The following DLC1 variants were observed in gnomAD, a reference collection of about 807,000 sequenced individuals.
DLC1 encodes the protein rho GTPase-activating protein 7.
In DLC1, 54 loss-of-function variants were observed where a neutral mutation model predicts 140.3. That is an observed-to-expected ratio of 0.38 (90% confidence interval 0.31 to 0.48). DLC1 has a LOEUF of 0.48. Among genes scored for constraint, DLC1 ranks in the 20% least tolerant of loss-of-function variants. The probability of loss-of-function intolerance (pLI) is 0.96; values close to 1 mark genes in which losing one functional copy is unlikely to be tolerated. For synonymous variants in DLC1, 986 were observed against 728.1 expected (o/e 1.35, Z -5.70); for missense variants, 2,536 against 1,907.0 (o/e 1.33, Z -6.14).
chr8:13,199,209 A>C (rs1244794595), intron 5 of DLC1, among the ~76,000 whole-genome samples: 1 of 117,954 alleles, frequency 8.5e-6, no homozygotes, highest in Non-Finnish European at 1.7e-5. Context: ...TTTTGAGACA[A>C]GATCTTGCTG....
At chr8:13,323,306 C>T (rs1170520457) in intron 4 of DLC1, among the ~76,000 whole-genome samples, 2 of 152,162 alleles carry the variant, frequency 1.3e-5, no homozygotes, top group African/African-American at 4.8e-5. Flanking sequence ...AACTATGACT[C>T]AACTAAAAGT....
At chr8:13,563,611 A>G (rs570574859) in intron 1 of DLC1, among the ~76,000 whole-genome samples, 9 of 152,282 alleles carry the variant, frequency 5.9e-5, no homozygotes, top group Admixed American at 5.9e-4. Context: ...AAAGGGTAGA[A>G]TATTTTTGAA....
intron 5 of DLC1, among the ~76,000 whole-genome samples, chr8:13,289,197 T>TTTA (rs930093614): frequency 2.3e-4 from 35 of 151,922 alleles, no homozygotes; most frequent in Admixed American, 1.2e-3. Context: ...TAGAATTCCT[T>TTTA]TTATTATTAT....
chr8:13,446,377 C>T (rs925290532), intron 2 of DLC1, among the ~76,000 whole-genome samples: 7 of 152,142 alleles, frequency 4.6e-5, no homozygotes, highest in Non-Finnish European at 1.0e-4. Context: ...TAAATGTAAA[C>T]AACACTCATT....
intron 5 of DLC1, among the ~76,000 whole-genome samples, chr8:13,188,844 T>TATA (rs1491498157): frequency 7.7e-5 from 2 of 25,840 alleles, no homozygotes; most frequent in Non-Finnish European, 1.6e-4. Flanking sequence ...TATATATATA[T>TATA]TTTTTTTTTT....
intron 2 of DLC1, among the ~76,000 whole-genome samples, chr8:13,407,437 G>A (rs185126844): frequency 1.8e-3 from 272 of 152,232 alleles, no homozygotes; most frequent in African/African-American, 6.0e-3. Flanking sequence ...AAGGCAGTTG[G>A]GGAGGAGGTG....
chr8:13,134,852 G>A (rs1585734291), intron 5 of DLC1, among the ~76,000 whole-genome samples: 1 of 152,254 alleles, frequency 6.6e-6, no homozygotes, highest in African/African-American at 2.4e-5. Context: ...TTTACCCAAA[G>A]CAGAATTCAG....
At chr8:13,323,119 A>G (rs1833192008) in intron 4 of DLC1, among the ~76,000 whole-genome samples, 1 of 152,200 alleles carries the variant, frequency 6.6e-6, no homozygotes, top group Non-Finnish European at 1.5e-5. Context: ...AGATCCACTC[A>G]ACTAAGCTCT....
In DLC1 at chr8:13,120,355, A is replaced by AT. The variant is rs56863550; in HGVS notation, c.1349-4699_1349-4698insA. Among the ~76,000 whole-genome samples, 947 of 125,600 alleles carry AT rather than the reference A, an allele frequency of 7.5e-3. 25 individuals are homozygous for AT. The highest frequency in any genetic ancestry group is 0.031 in the African/African-American group (893 of 28,640). The allele number at this position is 125,600 out of a possible 152,430, so 82.4% of individuals were successfully genotyped here. On this transcript the variant is annotated intron_variant, in intron 5 of 17. Coordinates refer to ENST00000276297, the MANE Select transcript of DLC1 (RefSeq NM_182643.3). ...GAGACTCCGTCGCAAAAAAAAAAAA[A>AT]AATATATATATATATAAAATGTATA...
chr8:13,319,082 C>T (rs561341621), intron 4 of DLC1, among the ~76,000 whole-genome samples: 9 of 152,268 alleles, frequency 5.9e-5, no homozygotes, highest in Admixed American at 3.9e-4. Flanking sequence ...GTGATGCTAA[C>T]GGGTCTATTT....
At chr8:13,377,477 C>G (rs1019266160) in intron 4 of DLC1, among the ~76,000 whole-genome samples, 1 of 152,136 alleles carries the variant, frequency 6.6e-6, no homozygotes, top group African/African-American at 2.4e-5. Context: ...TAAACATACT[C>G]TTTCAAGGTG....
chr8:13,276,232 C>G, intron 5 of DLC1: 2 of 1,534,424 alleles, frequency 1.3e-6, no homozygotes, highest in Non-Finnish European at 1.7e-6. Flanking sequence ...ACCCCTCACC[C>G]CCGGTCTCCA....
intron 4 of DLC1, among the ~76,000 whole-genome samples, chr8:13,317,236 T>C (rs1038487533): frequency 6.6e-6 from 1 of 152,214 alleles, no homozygotes; most frequent in Non-Finnish European, 1.5e-5. Flanking sequence ...ATAAGCCACA[T>C]TTTTGTTTGT....
chr8:13,521,980 G>A (rs756654336), intron 1 of DLC1, among the ~76,000 whole-genome samples: 1 of 152,094 alleles, frequency 6.6e-6, no homozygotes, highest in Non-Finnish European at 1.5e-5. Flanking sequence ...TTCTTCCCAG[G>A]TGAGGCCCTC....
intron 1 of DLC1, among the ~76,000 whole-genome samples, chr8:13,565,025 T>G (rs1804378893): frequency 1.3e-5 from 2 of 152,220 alleles, no homozygotes; most frequent in Non-Finnish European, 2.9e-5. Flanking sequence ...CTCTTCATAT[T>G]TGTTTAAAAT....
chr8:13,567,478 G>A (rs1804488203), intron 1 of DLC1: 6 of 1,552,070 alleles, frequency 3.9e-6, no homozygotes, highest in Non-Finnish European at 5.2e-6. Context: ...AGAGAGAGAT[G>A]CCTTTAGTTG....
At chr8:13,594,449 AT>A (rs1328473377) in intron 1 of DLC1, among the ~76,000 whole-genome samples, 1 of 151,978 alleles carries the variant, frequency 6.6e-6, no homozygotes, top group African/African-American at 2.4e-5. Context: ...ATCTATCCTC[AT>A]TTTATTGGAT....
intron 1 of DLC1, among the ~76,000 whole-genome samples, chr8:13,579,947 G>A (rs1213727169): frequency 6.6e-6 from 1 of 151,876 alleles, no homozygotes; most frequent in Admixed American, 6.6e-5. Context: ...TGACAGGATA[G>A]GAGTTATTCC....
At chr8:13,510,588 A>T (rs1802314961) in intron 1 of DLC1, among the ~76,000 whole-genome samples, 1 of 152,234 alleles carries the variant, frequency 6.6e-6, no homozygotes, top group African/African-American at 2.4e-5. Context: ...AGAAACTCAA[A>T]GTAGTTACGG....
Sources: gnomAD v4.1 joint callset for allele counts (sites outside exome capture counted in the v4.1 genomes callset) on GRCh38, gnomAD v4.1.1 for gene constraint, MANE v1.5 for transcripts, NCBI Gene and HGNC (gene_info 2026-07-23, HGNC 2026-07-21) for gene names.